The following PCDH9 variants were observed in gnomAD, a reference collection of about 807,000 sequenced individuals.
The protein encoded by PCDH9 is protocadherin 9.
A neutral mutation model predicts 70.6 loss-of-function variants in PCDH9; 24 were observed. The observed-to-expected ratio is 0.34, with a 90% CI of 0.25 to 0.48. The LOEUF (loss-of-function observed/expected upper bound fraction) is 0.48. Ranked by LOEUF, PCDH9 falls within the 20% of genes least tolerant of loss-of-function variation. PCDH9 has a pLI of 0.99. For missense variants in PCDH9, 1,281 were observed against 1,503.6 expected (o/e 0.85, Z 2.45); for synonymous variants, 562 against 558.5 (o/e 1.01, Z -0.09).
intron 3 of PCDH9, among the ~76,000 whole-genome samples, chr13:66,636,678 A>T (rs528732626): frequency 6.6e-6 from 1 of 152,166 alleles, no homozygotes; most frequent in Admixed American, 6.5e-5. Flanking sequence ...TTTTGATTTA[A>T]TTCCCTTGCC....
chr13:66,977,253 A>G (rs1417923530), intron 2 of PCDH9, among the ~76,000 whole-genome samples: 1 of 152,124 alleles, frequency 6.6e-6, no homozygotes, highest in Non-Finnish European at 1.5e-5. Flanking sequence ...CAAAGGAAGA[A>G]GAAAAATCTG....
chr13:66,510,886 A>G (rs1228212202), intron 4 of PCDH9, among the ~76,000 whole-genome samples: 2 of 152,172 alleles, frequency 1.3e-5, no homozygotes, highest in East Asian at 3.9e-4. Flanking sequence ...ATATATATGC[A>G]ACATTAGACC....
intron 2 of PCDH9, among the ~76,000 whole-genome samples, chr13:66,951,600 T>C (rs971317382): frequency 7.2e-5 from 11 of 152,130 alleles, no homozygotes; most frequent in African/African-American, 2.4e-4. Flanking sequence ...GATGGGAGTG[T>C]CTGAGCAAAA....
chr13:66,627,528 GT>G (rs1195564426), intron 4 of PCDH9, among the ~76,000 whole-genome samples: 4 of 152,130 alleles, frequency 2.6e-5, no homozygotes, highest in Non-Finnish European at 5.9e-5. Flanking sequence ...TACAAAGGAG[GT>G]TTAAATTTTA....
chr13:66,464,556 C>A (rs182201528), intron 4 of PCDH9, among the ~76,000 whole-genome samples: 99 of 152,008 alleles, frequency 6.5e-4, no homozygotes, highest in Non-Finnish European at 1.1e-3. Context: ...ACAGTGTGCT[C>A]AACCTGAAGC....
chr13:66,753,754 A>T (rs897800824), intron 3 of PCDH9, among the ~76,000 whole-genome samples: 1 of 152,170 alleles, frequency 6.6e-6, no homozygotes, highest in African/African-American at 2.4e-5. Flanking sequence ...AACACTGCTA[A>T]ATCATTCTAA....
intron 3 of PCDH9, among the ~76,000 whole-genome samples, chr13:66,885,137 C>G (rs1397627508): frequency 1.3e-5 from 2 of 152,120 alleles, no homozygotes; most frequent in East Asian, 1.9e-4. Flanking sequence ...CTCTAATCTT[C>G]TGATGCTCTC....
At chr13:66,712,556 T>A (rs2078809505) in intron 3 of PCDH9, among the ~76,000 whole-genome samples, 1 of 152,174 alleles carries the variant, frequency 6.6e-6, no homozygotes, top group East Asian at 1.9e-4. Context: ...TTTATTACAA[T>A]TTTAAAATAA....
At chr13:66,722,075 C>A (rs557919770) in intron 3 of PCDH9, among the ~76,000 whole-genome samples, 3 of 152,240 alleles carry the variant, frequency 2.0e-5, no homozygotes, top group Middle Eastern at 3.4e-3. Context: ...GACTTAATAC[C>A]CTCCCTATCT....
intron 2 of PCDH9, among the ~76,000 whole-genome samples, chr13:66,969,646 C>A (rs930234945): frequency 1.3e-5 from 2 of 151,970 alleles, no homozygotes; most frequent in Admixed American, 6.6e-5. Context: ...TTGATTGATT[C>A]ACTTTATACT....
intron 3 of PCDH9, among the ~76,000 whole-genome samples, chr13:66,811,270 T>C (rs2139361440): frequency 1.3e-5 from 2 of 152,310 alleles, no homozygotes; most frequent in South Asian, 4.1e-4. Flanking sequence ...TCTTGCTTGC[T>C]ATTTTAAAAG....
At chr13:67,176,218 A>G (rs1314323145) in intron 2 of PCDH9, among the ~76,000 whole-genome samples, 1 of 152,162 alleles carries the variant, frequency 6.6e-6, no homozygotes, top group Non-Finnish European at 1.5e-5. Context: ...AGATAGATGA[A>G]CTCAAAAAGA....
intron 4 of PCDH9, among the ~76,000 whole-genome samples, chr13:66,484,163 G>A (rs917230528): frequency 6.6e-6 from 1 of 152,076 alleles, no homozygotes; most frequent in Non-Finnish European, 1.5e-5. Context: ...TCTATACCAA[G>A]GCGAGAAACC....
intron 2 of PCDH9, among the ~76,000 whole-genome samples, chr13:67,156,475 G>A (rs1381434038): frequency 6.6e-6 from 1 of 151,938 alleles, no homozygotes; most frequent in Non-Finnish European, 1.5e-5. Flanking sequence ...GTCCCGGTGG[G>A]AGTGGGATGA....
intron 3 of PCDH9, among the ~76,000 whole-genome samples, chr13:66,857,758 A>T (rs914810877): frequency 1.3e-5 from 2 of 152,168 alleles, no homozygotes; most frequent in African/African-American, 4.8e-5. Flanking sequence ...AATGAAATGT[A>T]GTACACATGA....
At chr13:66,900,253 C>T (rs372161004) in intron 3 of PCDH9, among the ~76,000 whole-genome samples, 155 of 151,966 alleles carry the variant, frequency 1.0e-3, no homozygotes, top group African/African-American at 3.5e-3. Flanking sequence ...AATTACATAA[C>T]CTCTCAGTGT....
chr13:67,207,464 AT>A (rs2089378718), intron 2 of PCDH9: 1 of 152,182 alleles, frequency 6.6e-6, no homozygotes, highest in East Asian at 1.9e-4. Flanking sequence ...AGTTGGTTCT[AT>A]TTGAATTAAT....
chr13:66,922,397 G>A (rs1285308705), intron 2 of PCDH9, among the ~76,000 whole-genome samples: 1 of 151,246 alleles, frequency 6.6e-6, no homozygotes, highest in Non-Finnish European at 1.5e-5. Flanking sequence ...TTCCTAACCT[G>A]GGAATAAGAC....
intron 3 of PCDH9, among the ~76,000 whole-genome samples, chr13:66,664,989 T>G (rs2078073492): frequency 6.6e-6 from 1 of 152,166 alleles, no homozygotes; most frequent in African/African-American, 2.4e-5. Flanking sequence ...ACACAAGCTT[T>G]GAAGCCCCCA....
Sources: gnomAD v4.1 joint callset for allele counts (sites outside exome capture counted in the v4.1 genomes callset) on GRCh38, gnomAD v4.1.1 for gene constraint, MANE v1.5 for transcripts, NCBI Gene and HGNC (gene_info 2026-07-23, HGNC 2026-07-21) for gene names.